Variants in SMYD3 observed in about 807,000 individuals in gnomAD.
SMYD3 encodes SET and MYND domain containing 3, also known as histone-lysine N-methyltransferase SMYD3.
SMYD3 carries 36 observed loss-of-function variants against 57.7 expected under a neutral mutation model. The ratio of observed to expected loss-of-function variants is 0.62; its 90% CI spans 0.48 to 0.82. SMYD3 has a LOEUF of 0.82. Ranked by LOEUF, SMYD3 falls within the 40% of genes least tolerant of loss-of-function variation. The pLI is 0.00. For missense variants in SMYD3, 515 were observed against 538.8 expected (o/e 0.96, Z 0.44); for synonymous variants, 211 against 195.0 (o/e 1.08, Z -0.68).
At chr1:246,102,491 C>A (rs929281565) in intron 5 of SMYD3, among the ~76,000 whole-genome samples, 3 of 152,136 alleles carry the variant, frequency 2.0e-5, no homozygotes, top group Non-Finnish European at 4.4e-5. Context: ...ACCACAAATT[C>A]TCACATGCCA....
rs985111356 is a variant in SMYD3, at chr1:246,203,950, T to C, written c.531+123251A>G. ...CTAAACTAGAAGTCTCAAACTCAAA[T>C]ATAGAGGAGCCAGGAGAATCCTAAG... On this transcript the variant is annotated intron_variant, in intron 5 of 11. Transcript: ENST00000490107. The surrounding 1 kb of genome is among the most constrained non-coding windows in gnomAD (Gnocchi z 4.6). 3.9e-5 allele frequency among the ~76,000 whole-genome samples: 6 copies of C among 152,056 alleles called. No individual in the cohort carries two copies. The highest frequency in any genetic ancestry group is 1.4e-4 in the African/African-American group (6 of 41,402).
At chr1:246,446,762 G>A (rs1418230203) in intron 1 of SMYD3, among the ~76,000 whole-genome samples, 1 of 152,124 alleles carries the variant, frequency 6.6e-6, no homozygotes, top group African/African-American at 2.4e-5. Context: ...GGGCGCTGTG[G>A]CTCACGCCTG....
In SMYD3 at chr1:246,202,907, C is replaced by T; in HGVS notation, c.531+124294G>A. Among the ~76,000 whole-genome samples the T allele has an allele frequency of 6.6e-6, 1 of 152,136 alleles. No individual in the cohort carries two copies. The highest frequency in any genetic ancestry group is 1.9e-4 in the East Asian group (1 of 5,184). ...TTTGGGAGGCCAAGATAGTGGATCA[C>T]TTGAGGTCAGGAGTTCGAGACCAGC... On this transcript the variant is annotated intron_variant, in intron 5 of 11. Coordinates refer to ENST00000490107, the MANE Select transcript of SMYD3 (RefSeq NM_001167740.2). The surrounding 1 kb of genome is among the most constrained non-coding windows in gnomAD (Gnocchi z 4.1).
chr1:246,299,717 T>C (rs1366299281), intron 5 of SMYD3, among the ~76,000 whole-genome samples: 1 of 152,076 alleles, frequency 6.6e-6, no homozygotes, highest in Non-Finnish European at 1.5e-5. Flanking sequence ...TCATTATCCT[T>C]AGTAAACTAA....
At chr1:246,101,866 C>T (rs966825152) in intron 5 of SMYD3, among the ~76,000 whole-genome samples, 42 of 152,360 alleles carry the variant, frequency 2.8e-4, no homozygotes, top group African/African-American at 9.1e-4. Context: ...GCCCAATCTC[C>T]TACCTTTTAT....
At chr1:245,999,445 C>T (rs1017484086) in intron 5 of SMYD3, among the ~76,000 whole-genome samples, 1 of 152,046 alleles carries the variant, frequency 6.6e-6, no homozygotes, top group Admixed American at 6.6e-5. Flanking sequence ...GTTAATAATT[C>T]TGAAAACCAG....
chr1:246,173,543 C>T (rs970672517), intron 5 of SMYD3, among the ~76,000 whole-genome samples: 5 of 152,076 alleles, frequency 3.3e-5, no homozygotes, highest in South Asian at 2.1e-4. Context: ...TTTTTTATAA[C>T]CTTATTCTAT....
At chr1:246,330,445 A>G in intron 4 of SMYD3, 35 bp downstream of exon 4, 1 of 1,510,598 alleles carries the variant, frequency 6.6e-7, no homozygotes. Context: ...CAAATTATAG[A>G]AACTTTTTTA....
At chr1:246,074,781 C>T (rs1304274509) in intron 5 of SMYD3, among the ~76,000 whole-genome samples, 1 of 152,092 alleles carries the variant, frequency 6.6e-6, no homozygotes, top group African/African-American at 2.4e-5. Context: ...CCCTACTATC[C>T]ACATGCATTG....
At chr1:246,444,325 C>T (rs2067519210) in intron 1 of SMYD3, among the ~76,000 whole-genome samples, 1 of 152,020 alleles carries the variant, frequency 6.6e-6, no homozygotes. Context: ...GGGGTTTCAC[C>T]ATGTTGGCCA....
chr1:245,772,536 A>T (rs1252582060), intron 10 of SMYD3, among the ~76,000 whole-genome samples: 1 of 152,138 alleles, frequency 6.6e-6, no homozygotes, highest in Non-Finnish European at 1.5e-5. Context: ...GGTGTTGCAC[A>T]GCTGTGGTCC....
intron 5 of SMYD3, among the ~76,000 whole-genome samples, chr1:245,932,478 T>C (rs1268732906): frequency 6.6e-6 from 1 of 152,190 alleles, no homozygotes; most frequent in Non-Finnish European, 1.5e-5. Context: ...CGTAAAATAC[T>C]TGGGAGGGCA....
rs139443365 is a variant in SMYD3 at position 246,381,203 on chromosome 1, G to A, written c.165-26109C>T. 3.3e-5 allele frequency among the ~76,000 whole-genome samples: 5 copies of A among 152,264 alleles called. No individual in the cohort carries two copies. In the East Asian group the frequency reaches 9.7e-4, roughly 29 times the overall value. ...CTCACTGGCCAGAACTCAGTCACAT[G>A]GCCATGTCTAGAAAGTCGGAACATT... On this transcript the variant is annotated intron_variant, in intron 1 of 11. Coordinates refer to ENST00000490107, the MANE Select transcript of SMYD3 (RefSeq NM_001167740.2).
At chr1:246,330,360 T>C in intron 4 of SMYD3, 120 bp downstream of exon 4, 1 of 716,824 alleles carries the variant, frequency 1.4e-6, no homozygotes, top group South Asian at 2.8e-5. Flanking sequence ...AAAATAAATT[T>C]TGTTAGGTTT....
At chr1:246,307,387 A>T (rs994038116) in intron 5 of SMYD3, among the ~76,000 whole-genome samples, 1 of 150,400 alleles carries the variant, frequency 6.6e-6, no homozygotes. Flanking sequence ...CATTTGAAGA[A>T]CCCTGCTCTC....
chr1:245,872,710 T>G (rs1331930087), intron 8 of SMYD3, among the ~76,000 whole-genome samples: 1 of 152,216 alleles, frequency 6.6e-6, no homozygotes, highest in Non-Finnish European at 1.5e-5. Context: ...CCATTTAGCT[T>G]TAGATCTCAG....
At chr1:246,399,110 C>T (rs2066724973) in intron 1 of SMYD3, among the ~76,000 whole-genome samples, 1 of 152,192 alleles carries the variant, frequency 6.6e-6, no homozygotes, top group South Asian at 2.1e-4. Flanking sequence ...CAACCTCCGC[C>T]TCCCAGGTTC....
At chr1:245,972,367 C>T (rs1344126519) in intron 5 of SMYD3, among the ~76,000 whole-genome samples, 2 of 152,120 alleles carry the variant, frequency 1.3e-5, no homozygotes, top group Non-Finnish European at 2.9e-5. Context: ...AATGGTATCA[C>T]GGTGGTGAAA....
chr1:246,193,241 T>A (rs927459429), intron 5 of SMYD3, among the ~76,000 whole-genome samples: 48 of 152,048 alleles, frequency 3.2e-4, no homozygotes, highest in African/African-American at 1.0e-3. Flanking sequence ...AACATACAGA[T>A]CTGAAAAAAT....
Sources: allele counts gnomAD v4.1 joint callset (sites outside exome capture counted in the v4.1 genomes callset), GRCh38; gene constraint gnomAD v4.1.1; non-coding constraint Gnocchi (gnomAD v3.1); transcripts MANE v1.5; gene names NCBI Gene and HGNC (gene_info 2026-07-23, HGNC 2026-07-21).